Variants in CALD1 observed in about 807,000 individuals in gnomAD.
CALD1 encodes caldesmon.
CALD1 carries 33 observed loss-of-function variants against 99.9 expected under a neutral mutation model. The ratio of observed to expected loss-of-function variants is 0.33; its 90% CI spans 0.25 to 0.44. The LOEUF (loss-of-function observed/expected upper bound fraction) is 0.44, where lower values mean the gene tolerates loss of function less well. Ranked by LOEUF, CALD1 falls within the 20% of genes least tolerant of loss-of-function variation. The probability of loss-of-function intolerance (pLI) is 1.00; values close to 1 mark genes in which losing one functional copy is unlikely to be tolerated. For synonymous variants in CALD1, 310 were observed against 325.0 expected (o/e 0.95, Z 0.50); for missense variants, 861 against 962.1 (o/e 0.89, Z 1.39).
At chr7:134,799,242 C>T (rs1485608571) in intron 1 of CALD1, among the ~76,000 whole-genome samples, 1 of 152,172 alleles carries the variant, frequency 6.6e-6, no homozygotes, top group Non-Finnish European at 1.5e-5. Flanking sequence ...GGAACCCTTA[C>T]TAATGAGTGA....
At chr7:134,865,266 C>T (rs1361933727) in intron 2 of CALD1, among the ~76,000 whole-genome samples, 1 of 152,052 alleles carries the variant, frequency 6.6e-6, no homozygotes. Flanking sequence ...TATAAGGGTG[C>T]AGGGATGAAG....
intron 1 of CALD1, among the ~76,000 whole-genome samples, chr7:134,810,887 A>G (rs1798327497): frequency 6.6e-6 from 1 of 152,196 alleles, no homozygotes; most frequent in Non-Finnish European, 1.5e-5. Flanking sequence ...TCCCAAGCAC[A>G]TGTCTATCAA....
At chr7:134,848,315 C>T (rs940675815) in intron 2 of CALD1, among the ~76,000 whole-genome samples, 1 of 152,146 alleles carries the variant, frequency 6.6e-6, no homozygotes, top group African/African-American at 2.4e-5. Flanking sequence ...CCATCACGCA[C>T]TCTAACACCA....
chr7:134,787,612 G>A (rs1177635446), intron 1 of CALD1, among the ~76,000 whole-genome samples: 1 of 152,164 alleles, frequency 6.6e-6, no homozygotes, highest in African/African-American at 2.4e-5. Context: ...CCTTTTGAAA[G>A]TATGTGGACC....
At chr7:134,882,357 A>G (rs1801645429) in intron 3 of CALD1, among the ~76,000 whole-genome samples, 1 of 152,200 alleles carries the variant, frequency 6.6e-6, no homozygotes, top group African/African-American at 2.4e-5. Context: ...TTTTTTGATT[A>G]TTAAGGATAA....
intron 3 of CALD1, among the ~76,000 whole-genome samples, chr7:134,877,374 A>G (rs1175373160): frequency 6.6e-6 from 1 of 152,162 alleles, no homozygotes; most frequent in Non-Finnish European, 1.5e-5. Flanking sequence ...TAAAAAGAAA[A>G]TTACCTTTTT....
the CALD1 span, among the ~76,000 whole-genome samples, chr7:134,736,098 C>T: frequency 3.9e-5 from 6 of 152,114 alleles, no homozygotes; most frequent in African/African-American, 4.8e-5. Context: ...CAGTGCTTTC[C>T]GTGGGAAATG....
intron 3 of CALD1, among the ~76,000 whole-genome samples, chr7:134,887,750 GTGTC>G (rs1015015642): frequency 8.4e-5 from 6 of 71,790 alleles, no homozygotes; most frequent in African/African-American, 1.9e-4. Context: ...GTGTGCATGT[GTGTC>G]TCTATGTGCC....
intron 3 of CALD1, among the ~76,000 whole-genome samples, chr7:134,889,598 G>A (rs73454239): frequency 0.23 from 34,668 of 152,050 alleles, 4,367 homozygotes; most frequent in African/African-American, 0.32. Flanking sequence ...TAATTGAAGG[G>A]AAAAAATTAA....
intron 2 of CALD1, among the ~76,000 whole-genome samples, chr7:134,860,347 A>G (rs3778853): frequency 0.76 from 114,852 of 151,724 alleles, 44,099 homozygotes; most frequent in East Asian, 0.98. Context: ...TTTTGAAAAG[A>G]ACAAAAGTTC....
At chr7:134,729,631 T>TGGCA in the CALD1 span, among the ~76,000 whole-genome samples, 1 of 152,246 alleles carries the variant, frequency 6.6e-6, no homozygotes, top group African/African-American at 2.4e-5. Context: ...TCTTTCTGCC[T>TGGCA]GGCAGGCCAC....
intron 1 of CALD1, among the ~76,000 whole-genome samples, chr7:134,822,426 G>A (rs1050254769): frequency 1.3e-5 from 2 of 152,120 alleles, no homozygotes; most frequent in Non-Finnish European, 2.9e-5. Context: ...AACAAGATAT[G>A]AATTGATCAG....
chr7:134,764,089 T>A (rs1796805269), intron 1 of CALD1, among the ~76,000 whole-genome samples: 1 of 152,100 alleles, frequency 6.6e-6, no homozygotes, highest in Non-Finnish European at 1.5e-5. Context: ...ACAAGGGTAG[T>A]TCTGTGTGTG....
rs542759994 is a variant in CALD1 at position 134,787,742 on chromosome 7, G to T, written c.-130+7993G>T. On this transcript the variant is annotated intron_variant, in intron 1 of 14. Coordinates refer to ENST00000361675, the MANE Select transcript of CALD1 (RefSeq NM_033138.4). ...AGTTAGGAATTACATCCTCTGTATT[G>T]CACAGAAGAATCTACCATATTCAGA... Among the ~76,000 whole-genome samples, 114 of 152,220 alleles carry T rather than the reference G, an allele frequency of 7.5e-4. 1 individual carries two copies. The highest frequency in any genetic ancestry group is 2.6e-3 in the African/African-American group (110 of 41,528).
intron 1 of CALD1, among the ~76,000 whole-genome samples, chr7:134,750,360 C>A (rs1236266360): frequency 6.6e-6 from 1 of 152,038 alleles, no homozygotes; most frequent in Non-Finnish European, 1.5e-5. Flanking sequence ...AATACAGGAG[C>A]GTGGGTCTGG....
At chr7:134,831,617 T>C (rs1019954977) in intron 1 of CALD1, among the ~76,000 whole-genome samples, 6 of 152,076 alleles carry the variant, frequency 3.9e-5, no homozygotes, top group Non-Finnish European at 8.8e-5. Context: ...CCGCACCCGG[T>C]CTCTGCATAA....
intron 9 of CALD1, 21 bp downstream of exon 9, chr7:134,950,535 C>T: frequency 1.2e-6 from 2 of 1,603,882 alleles, no homozygotes; most frequent in Non-Finnish European, 1.7e-6. Flanking sequence ...CCCCAGAAAA[C>T]TTCTATTAGA....
the CALD1 span, among the ~76,000 whole-genome samples, chr7:134,738,823 T>G: frequency 6.6e-6 from 1 of 152,198 alleles, no homozygotes; most frequent in East Asian, 1.9e-4. Context: ...GATACAAATG[T>G]TGGCCAAAAG....
intron 2 of CALD1, among the ~76,000 whole-genome samples, chr7:134,865,015 C>A (rs1366784121): frequency 6.6e-6 from 1 of 152,126 alleles, no homozygotes; most frequent in African/African-American, 2.4e-5. Context: ...ACACCCAGAG[C>A]CTCACGACTG....
Sources: allele counts gnomAD v4.1 joint callset (sites outside exome capture counted in the v4.1 genomes callset), GRCh38; gene constraint gnomAD v4.1.1; transcripts MANE v1.5; gene names NCBI Gene and HGNC (gene_info 2026-07-23, HGNC 2026-07-21).